TIMM23B: variants seen among roughly 807,000 people sequenced by gnomAD.
The protein encoded by TIMM23B is translocase of inner mitochondrial membrane 23 homolog B.
TIMM23B carries 27 observed loss-of-function variants against 27.3 expected under a neutral mutation model. That is an observed-to-expected ratio of 0.99 (90% CI 0.73 to 1.36). The LOEUF is 1.36. TIMM23B is among the 40% of genes most tolerant of loss of function. The pLI, the probability that TIMM23B is intolerant of heterozygous loss-of-function variation, is 0.00. For missense variants in TIMM23B, 205 were observed against 244.2 expected (o/e 0.84, Z 1.07); for synonymous variants, 73 against 92.4 (o/e 0.79, Z 1.21).
rs188168689 is a variant in TIMM23B, at chr10:49,970,966, C to T, written c.515-2046C>T. On this transcript the variant is annotated intron_variant, in intron 6 of 6. Transcript: ENST00000651259. ...GGAGGGAAGTAGACATAGGAGACTC[C>T]ATTTCGTTCTGTACTAAGAAAAATT... 2.4e-3 allele frequency among the ~76,000 whole-genome samples: 365 copies of T among 152,284 alleles called. 1 individual carries two copies. The highest frequency in any genetic ancestry group is 8.3e-3 in the African/African-American group (346 of 41,554).
chr10:49,943,715 A>G (rs1839248754), intron 1 of TIMM23B, among the ~76,000 whole-genome samples: 1 of 148,550 alleles, frequency 6.7e-6, no homozygotes, highest in African/African-American at 2.5e-5. Flanking sequence ...TTCTGGGGGC[A>G]GGACTATAGT....
At chr10:49,968,857 A>T (rs1477144523) in intron 6 of TIMM23B, among the ~76,000 whole-genome samples, 9 of 152,142 alleles carry the variant, frequency 5.9e-5, no homozygotes, top group Admixed American at 5.9e-4. Context: ...GTTATGAAAA[A>T]TTTGGAAATA....
chr10:49,950,609 C>A (rs1396773403), intron 2 of TIMM23B, among the ~76,000 whole-genome samples: 1 of 144,432 alleles, frequency 6.9e-6, no homozygotes, highest in African/African-American at 2.6e-5. Context: ...GTGGCGTGAT[C>A]TCAGCTCACT....
At chr10:49,950,172 G>A (rs1442794924) in intron 2 of TIMM23B, among the ~76,000 whole-genome samples, 19 of 148,858 alleles carry the variant, frequency 1.3e-4, no homozygotes, top group Admixed American at 3.3e-4. Flanking sequence ...TGTTAAACAC[G>A]CAAAATTATA....
chr10:49,947,670 A>G (rs1261870041), intron 2 of TIMM23B, among the ~76,000 whole-genome samples: 18 of 151,586 alleles, frequency 1.2e-4, no homozygotes, highest in African/African-American at 4.1e-4. Flanking sequence ...GCTCGTGCCT[A>G]TAATCCCAAC....
rs369722797 is a variant in TIMM23B at position 49,951,393 on chromosome 10, A to AT, written c.166-720dup. Among the ~76,000 whole-genome samples, 859 of 145,412 alleles carry AT rather than the reference A, an allele frequency of 5.9e-3. 7 individuals carry two copies. Among genetic ancestry groups the AT allele is most frequent in the South Asian group, 0.019 (86 of 4,574 alleles). ...GGAAAGCGTGCCAAAAATGAGTGTG[A>AT]TTTTTTTTTTTTTAATCCAACATGG... On this transcript the variant is annotated intron_variant, in intron 2 of 6. Coordinates refer to ENST00000651259, the MANE Select transcript of TIMM23B (RefSeq NM_001290117.2).
intron 2 of TIMM23B, among the ~76,000 whole-genome samples, chr10:49,946,493 G>T (rs2133050659): frequency 6.6e-6 from 1 of 152,262 alleles, no homozygotes; most frequent in East Asian, 1.9e-4. Context: ...TAATGATCGA[G>T]TTCAGCAAGT....
In TIMM23B at chr10:49,973,354, A is replaced by G. The variant is rs1200716530; in HGVS notation, c.*290A>G. 7.3e-6 allele frequency: 3 copies of G among 409,386 alleles called. No homozygotes were observed. The highest frequency in any genetic ancestry group is 4.1e-5 in the Admixed American group (1 of 24,318). 25.4% of individuals were successfully genotyped at this position (409,386 alleles called of 1,614,324 possible). ...TATTATTTATCAATTCATTGCCTAC[A>G]TGTCAGCAAACAAATTTTCTTCTTA... On this transcript the variant is annotated 3_prime_UTR_variant, in exon 7 of 7. Transcript: ENST00000651259.
intron 2 of TIMM23B, among the ~76,000 whole-genome samples, chr10:49,950,466 A>G: frequency 1.3e-5 from 2 of 149,724 alleles, no homozygotes; most frequent in Admixed American, 1.3e-4. Flanking sequence ...TAGCAGGAGA[A>G]TGAGTTGGTG....
intron 4 of TIMM23B, among the ~76,000 whole-genome samples, chr10:49,953,471 G>A (rs1216196124): frequency 4.6e-5 from 7 of 152,038 alleles, no homozygotes; most frequent in Non-Finnish European, 8.8e-5. Flanking sequence ...TCAGCCTCCC[G>A]AGTAGCTGGG....
chr10:49,959,283 T>C (rs2133080505), intron 6 of TIMM23B, among the ~76,000 whole-genome samples: 1 of 152,326 alleles, frequency 6.6e-6, no homozygotes, highest in African/African-American at 2.4e-5. Flanking sequence ...TAAACAATAG[T>C]TTGACCTGTG....
At chr10:49,959,369 GA>G (rs1839823539) in intron 6 of TIMM23B, among the ~76,000 whole-genome samples, 1 of 152,130 alleles carries the variant, frequency 6.6e-6, no homozygotes, top group Admixed American at 6.5e-5. Context: ...AGTCAATTTA[GA>G]GCATCTTATT....
At chr10:49,943,737 G>GT (rs35547755) in intron 1 of TIMM23B, among the ~76,000 whole-genome samples, 7,481 of 113,434 alleles carry the variant, frequency 0.066, 410 homozygotes, top group African/African-American at 0.18. Context: ...GTTTTTGTGG[G>GT]TTTTTTTTTT....
At chr10:49,963,657 AAATT>A (rs1840002163) in intron 6 of TIMM23B, among the ~76,000 whole-genome samples, 1 of 152,072 alleles carries the variant, frequency 6.6e-6, no homozygotes, top group South Asian at 2.1e-4. Context: ...TAATGAAACA[AAATT>A]AAATATGAAA....
intron 6 of TIMM23B, among the ~76,000 whole-genome samples, chr10:49,959,296 A>G (rs1265444914): frequency 6.6e-6 from 1 of 152,228 alleles, no homozygotes; most frequent in Non-Finnish European, 1.5e-5. Flanking sequence ...GACCTGTGAC[A>G]TCAGCATATT....
chr10:49,969,211 A>G (rs1227764768), intron 6 of TIMM23B, among the ~76,000 whole-genome samples: 1 of 152,256 alleles, frequency 6.6e-6, no homozygotes, highest in Non-Finnish European at 1.5e-5. Context: ...TAATCCCAGC[A>G]CTTTGGGAAG....
chr10:49,967,819 A>G (rs1840229850), intron 6 of TIMM23B, among the ~76,000 whole-genome samples: 1 of 149,832 alleles, frequency 6.7e-6, no homozygotes, highest in African/African-American at 2.5e-5. Context: ...ATGCTATACC[A>G]TAGTGGCTTC....
At chr10:49,957,378 C>G (rs1839760040) in intron 5 of TIMM23B, among the ~76,000 whole-genome samples, 1 of 151,374 alleles carries the variant, frequency 6.6e-6, no homozygotes, top group Admixed American at 6.6e-5. Context: ...TTTCAAGGAG[C>G]TGGGACTATA....
At chr10:49,970,573 G>A (rs1840389029) in intron 6 of TIMM23B, 1 of 155,450 alleles carries the variant, frequency 6.4e-6, no homozygotes, top group Non-Finnish European at 1.4e-5. Context: ...CCCCTTCTGA[G>A]AAGTGAGGAG....
Sources: gnomAD v4.1 joint callset for allele counts (sites outside exome capture counted in the v4.1 genomes callset) on GRCh38, gnomAD v4.1.1 for gene constraint, MANE v1.5 for transcripts, NCBI Gene and HGNC (gene_info 2026-07-23, HGNC 2026-07-21) for gene names.